Variants in ADAMTS12 observed in about 807,000 individuals in gnomAD.
ADAMTS12 encodes the protein ADAM metallopeptidase with thrombospondin type 1 motif 12, also known as A disintegrin and metalloproteinase with thrombospondin motifs 12.
A neutral mutation model predicts 167.8 loss-of-function variants in ADAMTS12; 118 were observed. That is an observed-to-expected ratio of 0.70 (90% CI 0.61 to 0.82). The LOEUF is 0.82. Ranked by LOEUF, ADAMTS12 falls within the 40% of genes least tolerant of loss-of-function variation. The pLI, the probability that ADAMTS12 is intolerant of heterozygous loss-of-function variation, is 0.00. For missense variants in ADAMTS12, 1,916 were observed against 1,998.8 expected (o/e 0.96, Z 0.79); for synonymous variants, 704 against 716.9 (o/e 0.98, Z 0.29).
intron 2 of ADAMTS12, among the ~76,000 whole-genome samples, chr5:33,832,451 G>T (rs1196436405): frequency 6.6e-6 from 1 of 152,136 alleles, no homozygotes; most frequent in African/African-American, 2.4e-5. Context: ...GTCACTATAT[G>T]AAAACTGAAA....
At chr5:33,686,435 C>T (rs1056928036) in intron 3 of ADAMTS12, among the ~76,000 whole-genome samples, 1 of 152,158 alleles carries the variant, frequency 6.6e-6, no homozygotes, top group Non-Finnish European at 1.5e-5. Flanking sequence ...GAAGTAGTTT[C>T]TCTGCTTCCC....
chr5:33,724,443 A>C (rs1007608912), intron 3 of ADAMTS12, among the ~76,000 whole-genome samples: 1 of 152,070 alleles, frequency 6.6e-6, no homozygotes, highest in Non-Finnish European at 1.5e-5. Flanking sequence ...AACGATTCTG[A>C]GACCAAGTGA....
intron 2 of ADAMTS12, among the ~76,000 whole-genome samples, chr5:33,842,767 A>G (rs1748791971): frequency 6.6e-6 from 1 of 152,184 alleles, no homozygotes; most frequent in Non-Finnish European, 1.5e-5. Context: ...CCTGGACACC[A>G]GGACAGTAGG....
intron 5 of ADAMTS12, among the ~76,000 whole-genome samples, chr5:33,670,586 A>T (rs1346303514): frequency 2.6e-4 from 39 of 152,210 alleles, no homozygotes; most frequent in Admixed American, 2.6e-3. Flanking sequence ...TATCAAAAGT[A>T]CAAAAATTAG....
intron 20 of ADAMTS12, among the ~76,000 whole-genome samples, chr5:33,555,568 C>G (rs140688156): frequency 1.3e-5 from 2 of 152,160 alleles, no homozygotes; most frequent in Admixed American, 1.3e-4. Flanking sequence ...CAAATTTTAA[C>G]ATTCTGAAAC....
chr5:33,623,443 G>A (rs951883013), intron 14 of ADAMTS12, among the ~76,000 whole-genome samples: 2 of 152,196 alleles, frequency 1.3e-5, no homozygotes, highest in African/African-American at 4.8e-5. Context: ...ATCTGCCATG[G>A]TTCCCATATA....
intron 16 of ADAMTS12, among the ~76,000 whole-genome samples, chr5:33,599,692 G>C (rs13184759): frequency 6.6e-6 from 1 of 151,898 alleles, no homozygotes; most frequent in Non-Finnish European, 1.5e-5. Flanking sequence ...TGTTCCAGCT[G>C]TTCCCTGCTG....
At chr5:33,798,187 CA>C (rs1746849826) in intron 2 of ADAMTS12, among the ~76,000 whole-genome samples, 2 of 150,738 alleles carry the variant, frequency 1.3e-5, no homozygotes, top group African/African-American at 4.9e-5. Flanking sequence ...ACTCTCATGA[CA>C]TTTTTTTTTT....
chr5:33,886,443 G>A (rs201211001), intron 1 of ADAMTS12, among the ~76,000 whole-genome samples: 7 of 152,196 alleles, frequency 4.6e-5, no homozygotes, highest in Middle Eastern at 3.2e-3. Flanking sequence ...ACTATGCCAC[G>A]TTATATAACA....
chr5:33,555,663 C>T (rs889707097), intron 20 of ADAMTS12, among the ~76,000 whole-genome samples: 1 of 152,158 alleles, frequency 6.6e-6, no homozygotes, highest in African/African-American at 2.4e-5. Flanking sequence ...ATGACATAAT[C>T]CCCCAGGTGA....
At chr5:33,876,218 T>C (rs1750219595) in intron 2 of ADAMTS12, among the ~76,000 whole-genome samples, 1 of 152,182 alleles carries the variant, frequency 6.6e-6, no homozygotes, top group Admixed American at 6.5e-5. Context: ...AGATGTCAAT[T>C]CTTCCCAAAC....
At chr5:33,572,109 G>A (rs1377383910) in intron 19 of ADAMTS12, among the ~76,000 whole-genome samples, 8 of 152,110 alleles carry the variant, frequency 5.3e-5, no homozygotes, top group African/African-American at 7.2e-5. Flanking sequence ...ATAATCAATA[G>A]CTTACCAACC....
chr5:33,572,332 T>C (rs1243501139), intron 19 of ADAMTS12, among the ~76,000 whole-genome samples: 4 of 152,110 alleles, frequency 2.6e-5, no homozygotes, highest in Admixed American at 2.0e-4. Context: ...TGATGAACAT[T>C]GATGCAAAAA....
intron 9 of ADAMTS12, among the ~76,000 whole-genome samples, chr5:33,645,356 C>T (rs1252842354): frequency 6.6e-6 from 1 of 152,126 alleles, no homozygotes; most frequent in Non-Finnish European, 1.5e-5. Flanking sequence ...TCTGTCATCT[C>T]TCTTTCCTTT....
chr5:33,864,902 T>C (rs912172429), intron 2 of ADAMTS12, among the ~76,000 whole-genome samples: 21 of 152,096 alleles, frequency 1.4e-4, no homozygotes, highest in African/African-American at 4.6e-4. Context: ...GACAGGTTGA[T>C]GGGTGCAGCA....
Position 33,527,196 on chromosome 5 carries a change from C to G in ADAMTS12, c.4777G>C (p.Glu1593Gln), listed in dbSNP as rs774995118. 1 of 1,614,016 alleles carries G rather than the reference C, an allele frequency of 6.2e-7. No individual in the cohort carries two copies. Among genetic ancestry groups the G allele is most frequent in the African/African-American group, 1.3e-5 (1 of 74,910 alleles). ...RRQRLLQKSK[E>Q]L The stretch of plus-strand genomic sequence containing the variant: ...CTGGCTTCCTTTTGGGCTTAGAGTT[C>G]TTTTGACTTTTGGAGCAACCGTTGC... The change falls in exon 24 of 24, where the codon GAA (glutamate) becomes CAA (glutamine). Residue 1593 changes from glutamate (E) to glutamine (Q), a missense_variant. By Grantham distance (29) the Glu-to-Gln change is conservative (BLOSUM62 2). Coordinates refer to ENST00000504830, the MANE Select transcript of ADAMTS12 (RefSeq NM_030955.4).
chr5:33,684,949 C>A (rs1742272357), intron 3 of ADAMTS12, among the ~76,000 whole-genome samples: 1 of 152,196 alleles, frequency 6.6e-6, no homozygotes, highest in African/African-American at 2.4e-5. Context: ...CATCAGGAAG[C>A]AGGTACTTAA....
At chr5:33,791,999 T>C (rs1341918268) in intron 2 of ADAMTS12, among the ~76,000 whole-genome samples, 5 of 117,018 alleles carry the variant, frequency 4.3e-5, no homozygotes, top group African/African-American at 1.1e-4. Context: ...TTCACACTTT[T>C]TTTTTTTTTT....
chr5:33,866,027 A>C (rs1749805836), intron 2 of ADAMTS12, among the ~76,000 whole-genome samples: 1 of 152,230 alleles, frequency 6.6e-6, no homozygotes, highest in Non-Finnish European at 1.5e-5. Flanking sequence ...GAAAGTGACC[A>C]TACTGCAAAA....
Sources: allele counts gnomAD v4.1 joint callset (sites outside exome capture counted in the v4.1 genomes callset), GRCh38; gene constraint gnomAD v4.1.1; transcripts MANE v1.5; gene names NCBI Gene and HGNC (gene_info 2026-07-23, HGNC 2026-07-21).